The following MGMT variants were observed in gnomAD, a reference collection of about 807,000 sequenced individuals.
MGMT encodes O-6-methylguanine-DNA methyltransferase, also known as methylated-DNA--protein-cysteine methyltransferase.
A neutral mutation model predicts 15.9 loss-of-function variants in MGMT; 14 were observed. That is an observed-to-expected ratio of 0.88 (90% CI 0.58 to 1.37). The LOEUF (loss-of-function observed/expected upper bound fraction) is 1.37. Ranked by LOEUF, MGMT falls within the 40% of genes most tolerant of loss-of-function variation. The probability of loss-of-function intolerance (pLI) is 0.00; values close to 1 mark genes in which losing one functional copy is unlikely to be tolerated. For synonymous variants in MGMT, 130 were observed against 118.2 expected, an observed-to-expected ratio of 1.10 and a Z score of -0.65; for missense variants, 282 against 268.1, an observed-to-expected ratio of 1.05 and a Z score of -0.36.
At chr10:129,483,458 GA>G (rs1451541088) in intron 1 of MGMT, among the ~76,000 whole-genome samples, 1 of 151,996 alleles carries the variant, frequency 6.6e-6, no homozygotes, top group African/African-American at 2.4e-5. Flanking sequence ...GCTGGTGTCT[GA>G]ATTGTCATGC....
intron 3 of MGMT, among the ~76,000 whole-genome samples, chr10:129,730,351 T>G (rs1848481808): frequency 6.6e-6 from 1 of 152,198 alleles, no homozygotes; most frequent in South Asian, 2.1e-4. Context: ...ATTGATAATG[T>G]GTCATCTGGA....
rs559439792 is a variant in MGMT at position 129,538,719 on chromosome 10, T to C, written c.125+2342T>C. On this transcript the variant is annotated intron_variant, in intron 2 of 4. Coordinates refer to ENST00000651593, the MANE Select transcript of MGMT (RefSeq NM_002412.5). ...GGTGCAATCTCGGCTCACTGCAACC[T>C]CCGCCTCCTGGGTTCAAGCAATTCT... Among the ~76,000 whole-genome samples the C allele has an allele frequency of 5.3e-5, 8 of 152,210 alleles. No homozygotes were observed. In the South Asian group the frequency reaches 1.5e-3, roughly 28 times the overall value.
At chr10:129,690,526 G>A (rs1051488206) in intron 2 of MGMT, among the ~76,000 whole-genome samples, 1 of 152,196 alleles carries the variant, frequency 6.6e-6, no homozygotes, top group Non-Finnish European at 1.5e-5. Context: ...CATACCCAGA[G>A]CATTTGGAGG....
intron 2 of MGMT, among the ~76,000 whole-genome samples, chr10:129,578,749 T>G (rs552841669): frequency 6.6e-5 from 10 of 152,346 alleles, no homozygotes; most frequent in Non-Finnish European, 1.2e-4. Flanking sequence ...AGAAAGGTAG[T>G]TAGGATTATT....
In MGMT at chr10:129,683,641, G is replaced by A. The variant is rs190842414; in HGVS notation, c.126-24254G>A. ...TGTTCATTCAGTGTATATTGACTTG[G>A]CTTGTTGAAATGTTCACAGTACATG... On this transcript the variant is annotated intron_variant, in intron 2 of 4. Transcript: ENST00000651593. 3.2e-4 allele frequency among the ~76,000 whole-genome samples: 49 copies of A among 152,198 alleles called. 1 individual carries two copies. Among genetic ancestry groups the A allele is most frequent in the African/African-American group, 1.0e-3 (43 of 41,522 alleles).
intron 2 of MGMT, among the ~76,000 whole-genome samples, chr10:129,646,627 G>T (rs970012004): frequency 6.7e-6 from 1 of 149,974 alleles, no homozygotes; most frequent in Admixed American, 6.7e-5. Flanking sequence ...TCCCGTGGCA[G>T]CTTAACACGT....
intron 2 of MGMT, among the ~76,000 whole-genome samples, chr10:129,577,672 C>G (rs1408066228): frequency 2.0e-5 from 3 of 152,138 alleles, no homozygotes; most frequent in Non-Finnish European, 4.4e-5. Flanking sequence ...CAACAAAAGC[C>G]AAAATTGACA....
intron 3 of MGMT, among the ~76,000 whole-genome samples, chr10:129,739,837 C>G (rs1848610181): frequency 6.6e-6 from 1 of 152,152 alleles, no homozygotes; most frequent in South Asian, 2.1e-4. Context: ...TGGCCTAAGA[C>G]AATTCTTCCA....
At chr10:129,561,302 CAG>C (rs755551251) in intron 2 of MGMT, among the ~76,000 whole-genome samples, 73 of 152,210 alleles carry the variant, frequency 4.8e-4, no homozygotes, top group Non-Finnish European at 7.5e-4. Flanking sequence ...CGGGCAGCGA[CAG>C]GGGTGGGTCA....
chr10:129,530,785 G>A (rs1845922348), intron 1 of MGMT, among the ~76,000 whole-genome samples: 1 of 152,212 alleles, frequency 6.6e-6, no homozygotes, highest in African/African-American at 2.4e-5. Flanking sequence ...GCCTCTCCAG[G>A]CACACCAGGC....
intron 3 of MGMT, among the ~76,000 whole-genome samples, chr10:129,750,077 CAG>C (rs541158200): frequency 1.8e-3 from 280 of 152,092 alleles, no homozygotes; most frequent in African/African-American, 6.5e-3. Context: ...CTCTCGTTTT[CAG>C]AGTCTCAGCA....
intron 3 of MGMT, among the ~76,000 whole-genome samples, chr10:129,754,138 C>T (rs577460470): frequency 5.9e-5 from 9 of 151,812 alleles, no homozygotes; most frequent in East Asian, 1.9e-4. Context: ...TGTGCATAGG[C>T]GGGGAAGTAG....
chr10:129,764,318 C>T (rs895523999), intron 4 of MGMT, among the ~76,000 whole-genome samples: 2 of 152,224 alleles, frequency 1.3e-5, no homozygotes, highest in African/African-American at 2.4e-5. Flanking sequence ...GCTTTAAGCA[C>T]CTTTTCCAAG....
chr10:129,571,450 G>A (rs35576272), intron 2 of MGMT, among the ~76,000 whole-genome samples: 20,365 of 152,128 alleles, frequency 0.13, 1,442 homozygotes, highest in African/African-American at 0.16. Flanking sequence ...AATGTTATAC[G>A]TTTTGTTTAC....
At chr10:129,735,414 T>C (rs931556864) in intron 3 of MGMT, among the ~76,000 whole-genome samples, 12 of 152,230 alleles carry the variant, frequency 7.9e-5, no homozygotes, top group African/African-American at 2.9e-4. Flanking sequence ...ATATCCCCTT[T>C]ATCATTTTTT....
intron 2 of MGMT, among the ~76,000 whole-genome samples, chr10:129,677,861 C>G (rs758586850): frequency 6.6e-6 from 1 of 152,096 alleles, no homozygotes; most frequent in Non-Finnish European, 1.5e-5. Context: ...CTGTCCCCAC[C>G]AGCAGCACTG....
intron 2 of MGMT, among the ~76,000 whole-genome samples, chr10:129,578,086 G>A (rs946732380): frequency 6.6e-6 from 1 of 152,196 alleles, no homozygotes; most frequent in Non-Finnish European, 1.5e-5. Flanking sequence ...CTGTTGGTGG[G>A]ACTGTAAAGT....
chr10:129,654,802 C>G (rs145591539), intron 2 of MGMT, among the ~76,000 whole-genome samples: 2 of 152,060 alleles, frequency 1.3e-5, no homozygotes, highest in Non-Finnish European at 2.9e-5. Flanking sequence ...TGTCATGACA[C>G]GTGATACCTG....
At chr10:129,534,078 C>T (rs1376114617) in intron 1 of MGMT, among the ~76,000 whole-genome samples, 1 of 152,088 alleles carries the variant, frequency 6.6e-6, no homozygotes, top group Admixed American at 6.5e-5. Context: ...AAACTCGTGC[C>T]GACGTTGTGA....
Sources: allele counts gnomAD v4.1 joint callset (sites outside exome capture counted in the v4.1 genomes callset), GRCh38; gene constraint gnomAD v4.1.1; transcripts MANE v1.5; gene names NCBI Gene and HGNC (gene_info 2026-07-23, HGNC 2026-07-21).